The following TMEM117 variants were observed in gnomAD, a reference collection of about 807,000 sequenced individuals.
The protein encoded by TMEM117 is transmembrane protein 117.
TMEM117 carries 27 observed loss-of-function variants against 52.4 expected under a neutral mutation model. The observed-to-expected ratio is 0.51, with a 90% CI of 0.38 to 0.71. The LOEUF is 0.71. Ranked by LOEUF, TMEM117 falls within the 30% of genes least tolerant of loss-of-function variation. The pLI is 0.00. For synonymous variants in TMEM117, 215 were observed against 206.3 expected, an observed-to-expected ratio of 1.04 and a Z score of -0.36; for missense variants, 556 against 630.5, an observed-to-expected ratio of 0.88 and a Z score of 1.26.
chr12:44,312,343 T>C (rs1224833603), intron 6 of TMEM117, among the ~76,000 whole-genome samples: 2 of 152,138 alleles, frequency 1.3e-5, no homozygotes, highest in South Asian at 2.1e-4. Context: ...CTCCCACTTA[T>C]AAGTGAGAAC....
intron 6 of TMEM117, among the ~76,000 whole-genome samples, chr12:44,323,727 T>C (rs74084496): frequency 0.031 from 4,772 of 152,258 alleles, 256 homozygotes; most frequent in African/African-American, 0.11. Context: ...TAACAAACTT[T>C]AAGAATAGAT....
chr12:44,034,282 A>G (rs1946678089), intron 3 of TMEM117, among the ~76,000 whole-genome samples: 1 of 152,212 alleles, frequency 6.6e-6, no homozygotes, highest in Non-Finnish European at 1.5e-5. Flanking sequence ...AGTAAAGGAA[A>G]TTCACAGAGG....
At chr12:44,300,107 A>G (rs962976805) in intron 6 of TMEM117, among the ~76,000 whole-genome samples, 2 of 152,242 alleles carry the variant, frequency 1.3e-5, no homozygotes, top group African/African-American at 2.4e-5. Flanking sequence ...TAAAAGCAGC[A>G]AAGCAGGGAA....
intron 3 of TMEM117, among the ~76,000 whole-genome samples, chr12:44,061,849 T>C (rs2137956406): frequency 6.6e-6 from 1 of 152,162 alleles, no homozygotes; most frequent in Non-Finnish European, 1.5e-5. Context: ...GACTAAAGGT[T>C]CAAAAGTGAG....
At chr12:44,006,247 C>T (rs945371870) in intron 3 of TMEM117, among the ~76,000 whole-genome samples, 4 of 152,180 alleles carry the variant, frequency 2.6e-5, no homozygotes, top group Admixed American at 1.3e-4. Flanking sequence ...TTCTTCATGT[C>T]ATTTTGTATG....
chr12:44,335,608 A>T (rs150522462), intron 6 of TMEM117, among the ~76,000 whole-genome samples: 1 of 152,106 alleles, frequency 6.6e-6, no homozygotes, highest in South Asian at 2.1e-4. Context: ...GTTAAAATGT[A>T]TCTAATGGTA....
In TMEM117 at chr12:44,086,722, C is replaced by T. The variant is rs564632298; in HGVS notation, c.411-56803C>T. Among the ~76,000 whole-genome samples the T allele has an allele frequency of 2.4e-3, 362 of 152,100 alleles. 4 individuals are homozygous for T. Among genetic ancestry groups the T allele is most frequent in the African/African-American group, 7.9e-3 (328 of 41,482 alleles). ...AAGGGCCATTTGCAAGCAGCTCTTT[C>T]GCTATCAAACAAAGTATGAAAGCCT... On this transcript the variant is annotated intron_variant, in intron 3 of 7. Transcript: ENST00000266534.
At chr12:43,893,636 C>G (rs557981507) in intron 2 of TMEM117, among the ~76,000 whole-genome samples, 7 of 152,050 alleles carry the variant, frequency 4.6e-5, no homozygotes, top group Non-Finnish European at 8.8e-5. Context: ...CCATTTTTTC[C>G]ATCCAAATGT....
intron 2 of TMEM117, among the ~76,000 whole-genome samples, chr12:43,929,861 C>A (rs1189768837): frequency 6.6e-6 from 1 of 151,962 alleles, no homozygotes; most frequent in African/African-American, 2.4e-5. Flanking sequence ...GTTATAATGC[C>A]AATCTTTGCA....
chr12:44,180,400 T>C lies in TMEM117; in HGVS notation c.511-30890T>C, dbSNP rs138655514. ...TAAGTTTTAGGGTACATGTGCACAT[T>C]GTGCAGGTTAGTTACATATGTATAC... On this transcript the variant is annotated intron_variant, in intron 4 of 7. Coordinates refer to ENST00000266534, the MANE Select transcript of TMEM117 (RefSeq NM_032256.3). 8.0e-3 allele frequency among the ~76,000 whole-genome samples: 1,214 copies of C among 151,854 alleles called. 17 individuals are homozygous for C. Among genetic ancestry groups the C allele is most frequent in the African/African-American group, 0.027 (1,121 of 41,386 alleles).
At chr12:44,212,523 A>T (rs951946602) in intron 5 of TMEM117, among the ~76,000 whole-genome samples, 2 of 152,146 alleles carry the variant, frequency 1.3e-5, no homozygotes, top group Non-Finnish European at 2.9e-5. Flanking sequence ...TCATACACTG[A>T]GGTTAACATA....
intron 2 of TMEM117, among the ~76,000 whole-genome samples, chr12:43,883,780 C>CA (rs200958380): frequency 5.4e-4 from 79 of 146,296 alleles, no homozygotes; most frequent in Non-Finnish European, 6.5e-4. Context: ...AAACAAAAAA[C>CA]AAAAAAAAAC....
rs185576054 is a variant in TMEM117 at position 44,281,314 on chromosome 12, A to G, written c.609-18266A>G. On this transcript the variant is annotated intron_variant, in intron 5 of 7. Transcript: ENST00000266534. ...GTTTATAATATCTGCCTTCCTAGCC[A>G]TTATGTCATGCGGCCCTTATCATGG... 7.9e-5 allele frequency among the ~76,000 whole-genome samples: 12 copies of G among 152,114 alleles called. No individual in the cohort carries two copies. In the East Asian group the frequency reaches 1.5e-3, roughly 20 times the overall value.
At chr12:43,879,613 T>C (rs978885105) in intron 2 of TMEM117, among the ~76,000 whole-genome samples, 15 of 152,266 alleles carry the variant, frequency 9.9e-5, no homozygotes, top group African/African-American at 3.1e-4. Context: ...AGTTTGATTC[T>C]AAACCATCCT....
At chr12:44,153,239 C>T (rs1948780536) in intron 4 of TMEM117, among the ~76,000 whole-genome samples, 1 of 152,018 alleles carries the variant, frequency 6.6e-6, no homozygotes, top group South Asian at 2.1e-4. Flanking sequence ...CCCAAGGTGA[C>T]ACAGATATGG....
chr12:43,863,288 C>A (rs1592315583), intron 2 of TMEM117, among the ~76,000 whole-genome samples: 1 of 106,254 alleles, frequency 9.4e-6, no homozygotes, highest in South Asian at 3.1e-4. Flanking sequence ...ACAAACAAAA[C>A]TTCAAGGAAG....
In TMEM117 at chr12:44,184,285, G is replaced by A. The variant is rs965978419; in HGVS notation, c.511-27005G>A. On this transcript the variant is annotated intron_variant, in intron 4 of 7. Coordinates refer to ENST00000266534, the MANE Select transcript of TMEM117 (RefSeq NM_032256.3). Reference sequence around the variant, plus strand: ...GACTTGAACCTGGGAGATGGAGGCTGCAAGAGCAAAGATCATGCCATTGCA... The same window carrying A: ...GACTTGAACCTGGGAGATGGAGGCTACAAGAGCAAAGATCATGCCATTGCA... Among the ~76,000 whole-genome samples the A allele has an allele frequency of 2.0e-5, 3 of 152,248 alleles. No homozygotes were observed. The East Asian group carries it at 5.8e-4, about 29-fold the overall frequency.
intron 3 of TMEM117, among the ~76,000 whole-genome samples, chr12:44,096,109 C>T (rs1455138078): frequency 6.6e-6 from 1 of 152,174 alleles, no homozygotes; most frequent in Non-Finnish European, 1.5e-5. Flanking sequence ...AACTCCCATT[C>T]ACAATTGCTT....
At chr12:44,215,215 A>G (rs1353957910) in intron 5 of TMEM117, among the ~76,000 whole-genome samples, 2 of 152,238 alleles carry the variant, frequency 1.3e-5, no homozygotes, top group Non-Finnish European at 2.9e-5. Flanking sequence ...TCTAGTAAAC[A>G]TATCTCTTAC....
Sources: gnomAD v4.1 joint callset for allele counts (sites outside exome capture counted in the v4.1 genomes callset) on GRCh38, gnomAD v4.1.1 for gene constraint, MANE v1.5 for transcripts, NCBI Gene and HGNC (gene_info 2026-07-23, HGNC 2026-07-21) for gene names.